Variants in SEMA3A observed in about 807,000 individuals in gnomAD.
The protein encoded by SEMA3A is semaphorin 3A, also known as semaphorin-3A.
In SEMA3A, 29 loss-of-function variants were observed where a neutral mutation model predicts 97.9. The observed-to-expected ratio is 0.30, with a 90% CI of 0.22 to 0.40. The LOEUF (loss-of-function observed/expected upper bound fraction) is 0.40. Ranked by LOEUF, SEMA3A falls within the 10% of genes least tolerant of loss-of-function variation. The pLI is 1.00. For missense variants in SEMA3A, 763 were observed against 951.3 expected, an observed-to-expected ratio of 0.80 and a Z score of 2.60; for synonymous variants, 321 against 323.7, an observed-to-expected ratio of 0.99 and a Z score of 0.09.
At chr7:84,063,063 T>C (rs1562747305) in intron 4 of SEMA3A, among the ~76,000 whole-genome samples, 1 of 151,852 alleles carries the variant, frequency 6.6e-6, no homozygotes, top group Middle Eastern at 3.2e-3. Flanking sequence ...AGCACGCCGC[T>C]GGAGATCTGA....
rs1788456970 is a variant in SEMA3A at position 83,961,225 on chromosome 7, T to A, written c.*146A>T. The A allele has an allele frequency of 1.5e-6, 1 of 684,546 alleles. No individual in the cohort carries two copies. Among genetic ancestry groups the A allele is most frequent in the Non-Finnish European group, 2.5e-6 (1 of 395,758 alleles). The allele number at this position is 684,546 out of a possible 1,614,324, so 42.4% of individuals were successfully genotyped here. A position where few individuals can be genotyped will look rare whatever the true frequency, so the allele number is the denominator to read the frequency against. The stretch of plus-strand genomic sequence containing the variant: ...AGGAAAGTTACTCATGGATTTAATT[T>A]ATAATTGGTGGAACTCAGCTGAATT... On this transcript the variant is annotated 3_prime_UTR_variant, in exon 17 of 17. Coordinates refer to ENST00000265362, the MANE Select transcript of SEMA3A (RefSeq NM_006080.3).
intron 1 of SEMA3A, among the ~76,000 whole-genome samples, chr7:84,426,264 A>G (rs1804823315): frequency 1.6e-5 from 2 of 121,534 alleles, no homozygotes; most frequent in African/African-American, 6.5e-5. Flanking sequence ...AGAGATAGAT[A>G]TAGATATATA....
chr7:84,048,236 T>C (rs1277941005), intron 5 of SEMA3A, among the ~76,000 whole-genome samples: 1 of 152,036 alleles, frequency 6.6e-6, no homozygotes, highest in Admixed American at 6.6e-5. Flanking sequence ...CTTACTTAAA[T>C]ATCAAGTGTA....
upstream of SEMA3A, among the ~76,000 whole-genome samples, chr7:84,198,038 C>G (rs1395426955): frequency 6.6e-6 from 1 of 152,106 alleles, no homozygotes. Context: ...CCGAGCCCGG[C>G]CAGATCACTC....
intron 3 of SEMA3A, among the ~76,000 whole-genome samples, chr7:84,259,027 T>A (rs1237287082): frequency 6.6e-6 from 1 of 152,180 alleles, no homozygotes; most frequent in Non-Finnish European, 1.5e-5. Context: ...GGATATCTTA[T>A]GCTGGTCTTT....
intron 2 of SEMA3A, among the ~76,000 whole-genome samples, chr7:84,341,884 CT>C (rs112079465): frequency 0.023 from 3,489 of 152,188 alleles, 135 homozygotes; most frequent in African/African-American, 0.079. Context: ...TCTGGTGCTG[CT>C]TTTAGGAGTT....
intron 6 of SEMA3A, among the ~76,000 whole-genome samples, chr7:84,018,113 C>T (rs1462450964): frequency 2.0e-5 from 3 of 152,112 alleles, no homozygotes; most frequent in Admixed American, 6.5e-5. Flanking sequence ...TTCGTCAAAT[C>T]GACAAATATA....
chr7:84,290,499 C>G (rs1053728280), intron 3 of SEMA3A, among the ~76,000 whole-genome samples: 1 of 151,718 alleles, frequency 6.6e-6, no homozygotes, highest in African/African-American at 2.4e-5. Flanking sequence ...TGAGTACTAG[C>G]CAGGGGATTC....
intron 12 of SEMA3A, among the ~76,000 whole-genome samples, chr7:83,989,814 G>C (rs1291843855): frequency 6.7e-5 from 10 of 149,742 alleles, no homozygotes; most frequent in Non-Finnish European, 1.5e-4. Flanking sequence ...ATGATTTATA[G>C]TCCTTTGGGT....
In SEMA3A at chr7:83,956,940, G is replaced by A. The variant is rs886771676; in HGVS notation, c.*4431C>T. ...CTTTTTTTTTTCTTTGATCCATACCGCTCTTATTGTGAGCTTGTATTTGGC... is the reference window on the plus strand; with the variant it reads ...CTTTTTTTTTTCTTTGATCCATACCACTCTTATTGTGAGCTTGTATTTGGC... On this transcript the variant is annotated 3_prime_UTR_variant, in exon 17 of 17. Coordinates refer to ENST00000265362, the MANE Select transcript of SEMA3A (RefSeq NM_006080.3). The A allele has an allele frequency of 1.3e-5, 2 of 150,528 alleles. No homozygotes were observed. The highest frequency in any genetic ancestry group is 4.9e-5 in the African/African-American group (2 of 40,848). 9.3% of individuals were successfully genotyped at this position (150,528 alleles called of 1,614,324 possible). A position where few individuals can be genotyped will look rare whatever the true frequency, so the allele number is the denominator to read the frequency against.
intron 1 of SEMA3A, among the ~76,000 whole-genome samples, chr7:84,392,077 C>A (rs556302026): frequency 6.6e-6 from 1 of 152,110 alleles, no homozygotes; most frequent in East Asian, 1.9e-4. Context: ...TTCCATCACC[C>A]CAAATATTTG....
chr7:84,140,580 A>G (rs1044957274), intron 1 of SEMA3A, among the ~76,000 whole-genome samples: 7 of 152,094 alleles, frequency 4.6e-5, no homozygotes, highest in African/African-American at 1.4e-4. Context: ...TGTCCTTTTC[A>G]TAGAACAGTC....
chr7:84,073,766 T>G (rs1248542186), intron 4 of SEMA3A, among the ~76,000 whole-genome samples: 1 of 151,858 alleles, frequency 6.6e-6, no homozygotes, highest in Non-Finnish European at 1.5e-5. Context: ...TGCTGCAACT[T>G]GGTCAAGTCA....
intron 1 of SEMA3A, among the ~76,000 whole-genome samples, chr7:84,178,600 T>C (rs944053453): frequency 2.0e-4 from 30 of 152,180 alleles, no homozygotes; most frequent in African/African-American, 6.0e-4. Context: ...ATTACTATAC[T>C]GATTACAACT....
chr7:84,225,953 T>C lies in SEMA3A; in HGVS notation c.-82-31285A>G, dbSNP rs538177910. The stretch of plus-strand genomic sequence containing the variant: ...AAGTTTAAACATTATTATTTATTAG[T>C]TGGCTATGTGGTAAATTTCCCCTGA... On this transcript the variant is annotated intron_variant, in intron 3 of 3. Coordinates refer to the SEMA3A transcript ENST00000424555. 6.3e-4 allele frequency among the ~76,000 whole-genome samples: 96 copies of C among 152,262 alleles called. 1 individual carries two copies. The highest frequency in any genetic ancestry group is 9.7e-4 in the Non-Finnish European group (66 of 68,006).
intron 2 of SEMA3A, among the ~76,000 whole-genome samples, chr7:84,316,483 C>G (rs981880623): frequency 1.3e-5 from 2 of 151,942 alleles, no homozygotes; most frequent in Non-Finnish European, 2.9e-5. Flanking sequence ...ACAAAAAACT[C>G]CTTAGTTTTT....
At chr7:84,420,188 GAA>G (rs76093080) in intron 1 of SEMA3A, among the ~76,000 whole-genome samples, 1 of 144,168 alleles carries the variant, frequency 6.9e-6, no homozygotes, top group Admixed American at 6.9e-5. Context: ...TCATTCACAG[GAA>G]AAAAAAAAAG....
intron 3 of SEMA3A, among the ~76,000 whole-genome samples, chr7:84,263,825 T>A (rs1436343989): frequency 6.6e-6 from 1 of 152,182 alleles, no homozygotes; most frequent in East Asian, 1.9e-4. Flanking sequence ...ATCATAGCTG[T>A]GACTCTTGGT....
chr7:84,159,094 A>C (rs968463175), intron 1 of SEMA3A, among the ~76,000 whole-genome samples: 2 of 151,914 alleles, frequency 1.3e-5, no homozygotes, highest in Non-Finnish European at 2.9e-5. Flanking sequence ...TCATTAACTC[A>C]GAAGGTTTAA....
Sources: allele counts gnomAD v4.1 joint callset (sites outside exome capture counted in the v4.1 genomes callset), GRCh38; gene constraint gnomAD v4.1.1; transcripts MANE v1.5; gene names NCBI Gene and HGNC (gene_info 2026-07-23, HGNC 2026-07-21).